ADGRL3: variants seen among roughly 807,000 people sequenced by gnomAD.
ADGRL3 encodes the protein adhesion G protein-coupled receptor L3.
In ADGRL3, 62 loss-of-function variants were observed where a neutral mutation model predicts 153.5. That is an observed-to-expected ratio of 0.40 (90% CI 0.33 to 0.50). The LOEUF (loss-of-function observed/expected upper bound fraction) is 0.50, where lower values mean the gene tolerates loss of function less well. Among genes scored for constraint, ADGRL3 ranks in the 20% least tolerant of loss-of-function variants. ADGRL3 has a pLI of 0.47. For missense variants in ADGRL3, 1,641 were observed against 1,859.4 expected, an observed-to-expected ratio of 0.88 and a Z score of 2.16; for synonymous variants, 710 against 672.5, an observed-to-expected ratio of 1.06 and a Z score of -0.86.
chr4:61,315,743 C>T (rs572154861), intron 1 of ADGRL3, among the ~76,000 whole-genome samples: 99 of 152,150 alleles, frequency 6.5e-4, no homozygotes, highest in African/African-American at 2.2e-3. Context: ...TTTTTTAAAC[C>T]GCCATAAAAT....
At chr4:61,706,543 A>C (rs550739672) in intron 6 of ADGRL3, among the ~76,000 whole-genome samples, 1 of 152,162 alleles carries the variant, frequency 6.6e-6, no homozygotes, top group African/African-American at 2.4e-5. Context: ...TGTAGCTTCT[A>C]CATCCGCACT....
intron 4 of ADGRL3, among the ~76,000 whole-genome samples, chr4:61,578,194 A>G (rs2098902106): frequency 6.6e-6 from 1 of 152,066 alleles, no homozygotes; most frequent in Non-Finnish European, 1.5e-5. Context: ...TGTGACACCC[A>G]AGGAGAGTTA....
intron 5 of ADGRL3, among the ~76,000 whole-genome samples, chr4:61,616,128 T>C (rs922692327): frequency 6.6e-6 from 1 of 152,074 alleles, no homozygotes; most frequent in African/African-American, 2.4e-5. Flanking sequence ...ATGTAAGTAA[T>C]TGGAAAAGAA....
At chr4:61,474,762 G>A (rs538909115) in intron 2 of ADGRL3, among the ~76,000 whole-genome samples, 120 of 152,196 alleles carry the variant, frequency 7.9e-4, no homozygotes, top group African/African-American at 2.7e-3. Flanking sequence ...CTTTAGCACT[G>A]AGGGATTACC....
chr4:61,520,682 G>GTGTGTGTGTGTGTGTCTGTC (rs763505931), intron 4 of ADGRL3, among the ~76,000 whole-genome samples: 12 of 123,574 alleles, frequency 9.7e-5, no homozygotes, highest in African/African-American at 2.2e-4. Flanking sequence ...GTGTGTGTGT[G>GTGTGTGTGTGTGTGTCTGTC]TGTCTGTCTG....
In ADGRL3 at chr4:61,724,605, T is replaced by G. The variant is rs560481899; in HGVS notation, c.584-6017T>G. On this transcript the variant is annotated intron_variant, in intron 6 of 26. Coordinates refer to ENST00000683033, the MANE Select transcript of ADGRL3 (RefSeq NM_001387552.1). ...CAAGGTACTTGAGCAGCACTTTTATTCAGTGATGCATGGGTATTATTTGAA... is the reference window on the plus strand; with the variant it reads ...CAAGGTACTTGAGCAGCACTTTTATGCAGTGATGCATGGGTATTATTTGAA... 5.3e-5 allele frequency among the ~76,000 whole-genome samples: 8 copies of G among 152,334 alleles called. No homozygotes were observed. In the South Asian group the frequency reaches 1.7e-3, roughly 32 times the overall value.
chr4:61,386,919 G>A (rs557095479), intron 2 of ADGRL3, among the ~76,000 whole-genome samples: 17 of 152,158 alleles, frequency 1.1e-4, no homozygotes, highest in African/African-American at 2.9e-4. Flanking sequence ...AATTCAGTCC[G>A]TGCAACATAT....
At chr4:61,259,734 CT>C (rs904067042) in intron 1 of ADGRL3, among the ~76,000 whole-genome samples, 7 of 151,790 alleles carry the variant, frequency 4.6e-5, no homozygotes, top group Non-Finnish European at 8.8e-5. Context: ...TTTCTGTTAC[CT>C]TTTTTTTCTC....
intron 8 of ADGRL3, among the ~76,000 whole-genome samples, chr4:61,766,108 T>C (rs1006466656): frequency 6.6e-6 from 1 of 151,962 alleles, no homozygotes; most frequent in Non-Finnish European, 1.5e-5. Context: ...ATGGGGTTAA[T>C]GTCAGGTGGA....
intron 1 of ADGRL3, among the ~76,000 whole-genome samples, chr4:61,252,175 G>A (rs998695772): frequency 6.6e-6 from 1 of 152,038 alleles, no homozygotes; most frequent in African/African-American, 2.4e-5. Context: ...GAGCCACCGC[G>A]CCCAGCCCCT....
At chr4:61,604,707 A>G (rs2099025105) in intron 5 of ADGRL3, among the ~76,000 whole-genome samples, 1 of 152,202 alleles carries the variant, frequency 6.6e-6, no homozygotes, top group Non-Finnish European at 1.5e-5. Flanking sequence ...ATTGTTAGAT[A>G]ATGCATAGTA....
chr4:61,918,315 C>T (rs2098753679), intron 13 of ADGRL3, among the ~76,000 whole-genome samples: 1 of 152,142 alleles, frequency 6.6e-6, no homozygotes, highest in Non-Finnish European at 1.5e-5. Flanking sequence ...GAGAACTCCA[C>T]TATGGCTCAT....
At chr4:61,567,215 C>T (rs1029632025) in intron 4 of ADGRL3, among the ~76,000 whole-genome samples, 1 of 152,164 alleles carries the variant, frequency 6.6e-6, no homozygotes, top group Non-Finnish European at 1.5e-5. Context: ...AGTTAGCTCA[C>T]TGGTAGAGTA....
chr4:61,274,869 G>C (rs2093386254), intron 1 of ADGRL3, among the ~76,000 whole-genome samples: 1 of 152,116 alleles, frequency 6.6e-6, no homozygotes, highest in South Asian at 2.1e-4. Flanking sequence ...GATCAAGGCT[G>C]CAGTGATCAT....
At chr4:61,847,590 A>ATATATATAATATATAATATAT in intron 9 of ADGRL3, among the ~76,000 whole-genome samples, 1 of 93,152 alleles carries the variant, frequency 1.1e-5, no homozygotes, top group Non-Finnish European at 2.0e-5. Context: ...GTGTGTGTAT[A>ATATATATAATATATAATATAT]TATATATAAT....
At chr4:61,574,301 A>C (rs1436087074) in intron 4 of ADGRL3, among the ~76,000 whole-genome samples, 1 of 151,936 alleles carries the variant, frequency 6.6e-6, no homozygotes, top group Non-Finnish European at 1.5e-5. Context: ...AATCCAGCAT[A>C]AATAAATAGA....
At chr4:61,434,463 A>T (rs541760776) in intron 2 of ADGRL3, among the ~76,000 whole-genome samples, 4 of 152,186 alleles carry the variant, frequency 2.6e-5, no homozygotes, top group Non-Finnish European at 5.9e-5. Flanking sequence ...AACATATGGT[A>T]TTTGACTATG....
At chr4:61,760,392 C>T (rs1456865250) in intron 8 of ADGRL3, among the ~76,000 whole-genome samples, 2 of 152,132 alleles carry the variant, frequency 1.3e-5, no homozygotes, top group African/African-American at 2.4e-5. Context: ...TGCTGCCTTG[C>T]CGTTTGATCT....
At chr4:61,919,655 G>C (rs2098759448) in intron 13 of ADGRL3, among the ~76,000 whole-genome samples, 2 of 152,110 alleles carry the variant, frequency 1.3e-5, no homozygotes, top group Admixed American at 1.3e-4. Context: ...AATTCATACA[G>C]GTATTATTGA....
Sources: gnomAD v4.1 joint callset for allele counts (sites outside exome capture counted in the v4.1 genomes callset) on GRCh38, gnomAD v4.1.1 for gene constraint, MANE v1.5 for transcripts, NCBI Gene and HGNC (gene_info 2026-07-23, HGNC 2026-07-21) for gene names.